Variants in SVOPL observed in about 807,000 individuals in gnomAD.
SVOPL encodes the protein putative transporter SVOPL.
A neutral mutation model predicts 61.0 loss-of-function variants in SVOPL; 60 were observed. The observed-to-expected ratio is 0.98, with a 90% CI of 0.80 to 1.22. SVOPL has a LOEUF of 1.22. Among genes scored for constraint, SVOPL ranks in the 50% most tolerant of loss-of-function variants. The probability of loss-of-function intolerance (pLI) is 0.00; values close to 1 mark genes in which losing one functional copy is unlikely to be tolerated. For synonymous variants in SVOPL, 279 were observed against 250.0 expected (o/e 1.12, Z -1.09); for missense variants, 662 against 643.9 (o/e 1.03, Z -0.30).
intron 14 of SVOPL, among the ~76,000 whole-genome samples, chr7:138,611,889 G>T (rs1584779351): frequency 4.1e-5 from 3 of 72,798 alleles, no homozygotes; most frequent in South Asian, 5.9e-4. Flanking sequence ...CCCCGTCTGG[G>T]AGGTGTGCCC....
chr7:138,675,298 T>C (rs746592500), intron 3 of SVOPL, among the ~76,000 whole-genome samples: 33 of 152,262 alleles, frequency 2.2e-4, no homozygotes, highest in Non-Finnish European at 3.7e-4. Flanking sequence ...GCAACACTTT[T>C]GAAAGATGCA....
At chr7:138,678,195 C>T (rs1330264615) in intron 3 of SVOPL, among the ~76,000 whole-genome samples, 1 of 151,906 alleles carries the variant, frequency 6.6e-6, no homozygotes, top group Admixed American at 6.6e-5. Flanking sequence ...CCCCACCACT[C>T]CTGTTTTGAA....
chr7:138,662,454 C>A, intron 5 of SVOPL: 1 of 985,368 alleles, frequency 1.0e-6, no homozygotes, highest in South Asian at 4.7e-5. Context: ...GGGTTAGAGA[C>A]TTTATGGACA....
chr7:138,685,639 C>A (rs919204197), intron 1 of SVOPL, among the ~76,000 whole-genome samples: 17 of 152,242 alleles, frequency 1.1e-4, no homozygotes, highest in African/African-American at 3.6e-4. Flanking sequence ...GTGGCTCATG[C>A]CTGTAATCCC....
chr7:138,693,556 AGAAAGAAAGAAAGAAAGAAAAAAG>A (rs1303008986), intron 1 of SVOPL, among the ~76,000 whole-genome samples: 1 of 131,146 alleles, frequency 7.6e-6, no homozygotes, highest in Non-Finnish European at 1.5e-5. Context: ...AAAGAAAGAA[AGAAAGAAAGAAAGAAAGAAAAAAG>A]GAAAGAAAGA....
At chr7:138,699,806 A>G (rs1297757956) in intron 1 of SVOPL, among the ~76,000 whole-genome samples, 1 of 152,180 alleles carries the variant, frequency 6.6e-6, no homozygotes. Flanking sequence ...CCGCCACCGG[A>G]ACAGCGTTCA....
Position 138,618,047 on chromosome 7 carries a change from C to T in SVOPL, c.1353+2999G>A, listed in dbSNP as rs146590153. Among the ~76,000 whole-genome samples the T allele has an allele frequency of 4.4e-3, 671 of 152,226 alleles. 6 individuals carry two copies. Among genetic ancestry groups the T allele is most frequent in the African/African-American group, 0.015 (636 of 41,534 alleles). The stretch of plus-strand genomic sequence containing the variant: ...TGGAGCAGCTCACACCACCCTAAAC[C>T]GAGGCAAATATCCTAGGAGCTGGCA... On this transcript the variant is annotated intron_variant, in intron 14 of 15. Transcript: ENST00000674285.
At chr7:138,648,862 C>A (rs1162727286) in intron 8 of SVOPL, 150 bp downstream of exon 8, 2 of 1,179,158 alleles carry the variant, frequency 1.7e-6, no homozygotes, top group Non-Finnish European at 2.3e-6. Flanking sequence ...GCAGAGGCTG[C>A]AGTGAGCCGA....
At chr7:138,616,423 GC>G (rs1799305925) in intron 14 of SVOPL, among the ~76,000 whole-genome samples, 1 of 150,928 alleles carries the variant, frequency 6.6e-6, no homozygotes, top group Admixed American at 6.6e-5. Context: ...CACAAACTCC[GC>G]CTCCCAGGTT....
intron 7 of SVOPL, among the ~76,000 whole-genome samples, chr7:138,650,477 A>AC (rs1384278665): frequency 6.6e-6 from 1 of 151,720 alleles, no homozygotes; most frequent in African/African-American, 2.4e-5. Context: ...GTCATTGGCT[A>AC]CCTAGGTCTG....
chr7:138,699,443 A>C (rs75534693), intron 1 of SVOPL, among the ~76,000 whole-genome samples: 31,465 of 152,066 alleles, frequency 0.21, 4,183 homozygotes, highest in East Asian at 0.41. Flanking sequence ...TTACCCAAAG[A>C]GGGGAGGAAA....
intron 1 of SVOPL, among the ~76,000 whole-genome samples, chr7:138,683,201 TTAAAA>T (rs1188827138): frequency 6.6e-6 from 1 of 152,060 alleles, no homozygotes; most frequent in East Asian, 1.9e-4. Flanking sequence ...GGGATTTATT[TTAAAA>T]TAAATAATAG....
At chr7:138,673,125 T>C (rs145823037) in intron 3 of SVOPL, among the ~76,000 whole-genome samples, 1 of 151,862 alleles carries the variant, frequency 6.6e-6, no homozygotes, top group Non-Finnish European at 1.5e-5. Flanking sequence ...TTGGCACATG[T>C]TCTGTCGATA....
chr7:138,638,415 T>C (rs1461626250), intron 9 of SVOPL, among the ~76,000 whole-genome samples: 1 of 151,274 alleles, frequency 6.6e-6, no homozygotes, highest in Non-Finnish European at 1.5e-5. Context: ...ATAATGACAA[T>C]TTAGAAAAAC....
At chr7:138,685,919 C>A (rs1383629512) in intron 1 of SVOPL, among the ~76,000 whole-genome samples, 1 of 151,800 alleles carries the variant, frequency 6.6e-6, no homozygotes, top group Admixed American at 6.6e-5. Flanking sequence ...CTAGAGGAAA[C>A]GTTTGGAGGT....
intron 7 of SVOPL, 59 bp downstream of exon 7, chr7:138,656,389 A>G (rs1403623155): frequency 6.5e-7 from 1 of 1,538,088 alleles, no homozygotes. Context: ...AGGTATGCCT[A>G]TATGTACATC....
intron 14 of SVOPL, among the ~76,000 whole-genome samples, chr7:138,609,721 G>GC (rs1315060618): frequency 3.4e-5 from 5 of 145,850 alleles, no homozygotes; most frequent in East Asian, 2.0e-4. Context: ...TTTTTTTTTG[G>GC]GGGGGGTGGG....
intron 14 of SVOPL, 143 bp downstream of exon 14, chr7:138,620,903 A>C: frequency 1.3e-6 from 1 of 767,772 alleles, no homozygotes; most frequent in Non-Finnish European, 2.1e-6. Context: ...ACCTAAATCC[A>C]CCAAACAGCA....
intron 9 of SVOPL, among the ~76,000 whole-genome samples, chr7:138,637,269 A>G (rs894470027): frequency 3.9e-5 from 6 of 151,938 alleles, no homozygotes; most frequent in African/African-American, 1.5e-4. Flanking sequence ...CTCTACTAAA[A>G]ATACAAAAAT....
Sources: allele counts gnomAD v4.1 joint callset (sites outside exome capture counted in the v4.1 genomes callset), GRCh38; gene constraint gnomAD v4.1.1; transcripts MANE v1.5; gene names NCBI Gene and HGNC (gene_info 2026-07-23, HGNC 2026-07-21).